Variants in ARHGEF26 observed in about 807,000 individuals in gnomAD.
The protein encoded by ARHGEF26 is Rho guanine nucleotide exchange factor (GEF) 26.
In ARHGEF26, 59 loss-of-function variants were observed where a neutral mutation model predicts 89.4. That is an observed-to-expected ratio of 0.66 (90% confidence interval 0.54 to 0.82). ARHGEF26 has a LOEUF of 0.82. Ranked by LOEUF, ARHGEF26 falls within the 40% of genes least tolerant of loss-of-function variation. The probability of loss-of-function intolerance (pLI) is 0.00; values close to 1 mark genes in which losing one functional copy is unlikely to be tolerated. For missense variants in ARHGEF26, 1,234 were observed against 1,085.6 expected, an observed-to-expected ratio of 1.14 and a Z score of -1.92; for synonymous variants, 500 against 428.4, an observed-to-expected ratio of 1.17 and a Z score of -2.06.
intron 4 of ARHGEF26, among the ~76,000 whole-genome samples, chr3:154,132,960 A>G (rs1369138588): frequency 6.6e-6 from 1 of 152,150 alleles, no homozygotes; most frequent in East Asian, 1.9e-4. Flanking sequence ...TCAGTTCGGC[A>G]TATACCTTCA....
At chr3:154,210,977 G>C (rs1336749683) in intron 9 of ARHGEF26, among the ~76,000 whole-genome samples, 1 of 151,694 alleles carries the variant, frequency 6.6e-6, no homozygotes, top group African/African-American at 2.4e-5. Flanking sequence ...GGGAGGTGGG[G>C]CCTGGAACGG....
intron 9 of ARHGEF26, among the ~76,000 whole-genome samples, chr3:154,213,401 G>C (rs1449362125): frequency 1.3e-5 from 2 of 151,648 alleles, no homozygotes; most frequent in African/African-American, 2.4e-5. Flanking sequence ...GAACATGTAT[G>C]TTCAAATTAA....
At chr3:154,124,910 A>T (rs1235712079) in intron 3 of ARHGEF26, among the ~76,000 whole-genome samples, 1 of 151,846 alleles carries the variant, frequency 6.6e-6, no homozygotes, top group South Asian at 2.1e-4. Flanking sequence ...GGAAACTCTA[A>T]CTCTCCTGGC....
At chr3:154,121,331 CTGGGCGGGGCCGAAACG>C (rs1384687454), upstream of ARHGEF26, 3 of 147,538 alleles carry the variant, frequency 2.0e-5, no homozygotes, top group Admixed American at 6.7e-5. Context: ...GGAGGCGGAT[CTGGGCGGGGCCGAAACG>C]GGGGCGGGGC....
chr3:154,247,683 A>G (rs186978101), intron 12 of ARHGEF26, among the ~76,000 whole-genome samples: 35 of 152,278 alleles, frequency 2.3e-4, no homozygotes, highest in Admixed American at 2.0e-3. Flanking sequence ...TCCTGTCTCT[A>G]TTTACTGCCC....
At chr3:154,249,525 G>C (rs1363709354) in intron 12 of ARHGEF26, among the ~76,000 whole-genome samples, 1 of 152,126 alleles carries the variant, frequency 6.6e-6, no homozygotes, top group Non-Finnish European at 1.5e-5. Context: ...CTCTACGTAG[G>C]TCAAATGTTT....
At chr3:154,216,554 T>C (rs1715761401) in intron 9 of ARHGEF26, among the ~76,000 whole-genome samples, 1 of 147,406 alleles carries the variant, frequency 6.8e-6, no homozygotes, top group Non-Finnish European at 1.5e-5. Context: ...TTTATTATAC[T>C]TTAAGTTTTA....
chr3:154,156,260 A>G (rs141460456), intron 6 of ARHGEF26, among the ~76,000 whole-genome samples: 136 of 152,258 alleles, frequency 8.9e-4, no homozygotes, highest in Non-Finnish European at 1.5e-3. Context: ...CATTTTATTT[A>G]AAGTATAGAC....
chr3:154,178,582 A>G (rs1712978218), intron 6 of ARHGEF26, among the ~76,000 whole-genome samples: 2 of 152,172 alleles, frequency 1.3e-5, no homozygotes, highest in South Asian at 4.1e-4. Flanking sequence ...AGTACCTTTC[A>G]TTGCTGAATA....
intron 2 of ARHGEF26, 143 bp downstream of exon 2, chr3:154,123,218 C>A: frequency 1.6e-6 from 2 of 1,255,746 alleles, no homozygotes; most frequent in Non-Finnish European, 1.1e-6. Context: ...AGTGTACATC[C>A]AGCTCTTGGC....
chr3:154,237,722 CATTTCTTTGACTTTT>C (rs1473265145), intron 11 of ARHGEF26, among the ~76,000 whole-genome samples: 1 of 152,182 alleles, frequency 6.6e-6, no homozygotes, highest in Admixed American at 6.5e-5. Flanking sequence ...ATAGCATATT[CATTTCTTTGACTTTT>C]ATTTCTTTGG....
At chr3:154,168,943 C>A (rs560420772) in intron 6 of ARHGEF26, among the ~76,000 whole-genome samples, 36 of 150,862 alleles carry the variant, frequency 2.4e-4, no homozygotes, top group Non-Finnish European at 3.5e-4. Flanking sequence ...TAGCTTAATT[C>A]TAGCATATGA....
chr3:154,237,359 T>G (rs1363657633), intron 11 of ARHGEF26, among the ~76,000 whole-genome samples: 1 of 152,044 alleles, frequency 6.6e-6, no homozygotes, highest in East Asian at 1.9e-4. Flanking sequence ...ATGGCCAACA[T>G]GGTGAAACCC....
chr3:154,137,490 A>C (rs573041862), intron 4 of ARHGEF26, among the ~76,000 whole-genome samples: 1 of 152,168 alleles, frequency 6.6e-6, no homozygotes, highest in Non-Finnish European at 1.5e-5. Context: ...CCCAAAACGG[A>C]CTAAGACATA....
At chr3:154,234,123 A>C (rs1041674187) in intron 11 of ARHGEF26, among the ~76,000 whole-genome samples, 1 of 152,190 alleles carries the variant, frequency 6.6e-6, no homozygotes, top group African/African-American at 2.4e-5. Context: ...TTGGGCCATA[A>C]AACAGAGTTT....
At position 154,187,698 on chromosome 3, in the gene ARHGEF26, T is replaced by C; in HGVS notation, c.1501T>C (p.Leu501=). ...CEASKKFFIE[L]EARHQNNIFI... ...TTGGTTTTTCAGGTTCTTTATAGAGTTGGAAGCAAGACATCAGAATAATAT... is the reference window on the plus strand; with the variant it reads ...TTGGTTTTTCAGGTTCTTTATAGAGCTGGAAGCAAGACATCAGAATAATAT... The change falls in exon 7 of 15, where the codon TTG becomes CTG. Residue 501 remains leucine, a synonymous_variant. Coordinates refer to ENST00000465093, the MANE Select transcript of ARHGEF26 (RefSeq NM_015595.4). The C allele has an allele frequency of 6.2e-7, 1 of 1,606,626 alleles. No homozygotes were observed. Among genetic ancestry groups the C allele is most frequent in the East Asian group, 2.2e-5 (1 of 44,770 alleles).
At chr3:154,159,240 A>G (rs982757352) in intron 6 of ARHGEF26, among the ~76,000 whole-genome samples, 1 of 152,068 alleles carries the variant, frequency 6.6e-6, no homozygotes, top group African/African-American at 2.4e-5. Context: ...TGTTATTAGT[A>G]CCCTATAAAA....
At chr3:154,239,259 A>AGG (rs1407866434) in intron 11 of ARHGEF26, among the ~76,000 whole-genome samples, 1 of 103,818 alleles carries the variant, frequency 9.6e-6, no homozygotes, top group Non-Finnish European at 1.8e-5. Context: ...CGAGAGAGAG[A>AGG]GGGAGAGAGA....
chr3:154,203,625 A>G (rs531384864), intron 9 of ARHGEF26, among the ~76,000 whole-genome samples: 1 of 152,226 alleles, frequency 6.6e-6, no homozygotes, highest in Non-Finnish European at 1.5e-5. Flanking sequence ...GGTCTGTCAT[A>G]TGATTTTTTA....
Sources: allele counts gnomAD v4.1 joint callset (sites outside exome capture counted in the v4.1 genomes callset), GRCh38; gene constraint gnomAD v4.1.1; transcripts MANE v1.5; gene names NCBI Gene and HGNC (gene_info 2026-07-23, HGNC 2026-07-21).